Variants in FAM227B observed in about 807,000 individuals in gnomAD.
FAM227B encodes the protein family with sequence similarity 227 member B.
In FAM227B, 88 loss-of-function variants were observed where a neutral mutation model predicts 73.8. That is an observed-to-expected ratio of 1.19 (90% confidence interval 1.00 to 1.42). The LOEUF (loss-of-function observed/expected upper bound fraction) is 1.42. Among genes scored for constraint, FAM227B ranks in the 40% most tolerant of loss-of-function variants. FAM227B has a pLI of 0.00. For synonymous variants in FAM227B, 210 were observed against 190.5 expected (o/e 1.10, Z -0.84); for missense variants, 632 against 590.9 (o/e 1.07, Z -0.72).
intron 11 of FAM227B, among the ~76,000 whole-genome samples, chr15:49,372,564 T>C (rs11638606): frequency 0.17 from 25,301 of 152,164 alleles, 2,394 homozygotes; most frequent in Non-Finnish European, 0.21. Context: ...AGAGGAGACT[T>C]GGTGACCTTT....
intron 9 of FAM227B, among the ~76,000 whole-genome samples, chr15:49,545,679 G>C (rs1185585828): frequency 1.3e-5 from 2 of 152,144 alleles, no homozygotes; most frequent in East Asian, 3.9e-4. Flanking sequence ...CAGAGGTTTA[G>C]ATAGGTCATG....
At position 49,327,658 on chromosome 15, in the gene FAM227B, C is replaced by T. The variant is rs1043530556; in HGVS notation, c.*910G>A. 9.0e-6 allele frequency: 2 copies of T among 222,700 alleles called. No individual in the cohort carries two copies. The highest frequency in any genetic ancestry group is 1.1e-4 in the Admixed American group (2 of 18,196). The allele number at this position is 222,700 out of a possible 1,614,324, so 13.8% of individuals were successfully genotyped here. On this transcript the variant is annotated 3_prime_UTR_variant, in exon 16 of 16. Transcript: ENST00000299338. ...TGCTATACAACTCTTCAAGTGGCTA[C>T]TTTATGGAATCAATATTACAGTGGG...
intron 13 of FAM227B, among the ~76,000 whole-genome samples, chr15:49,346,051 ATT>A (rs35105464): frequency 1.4e-4 from 20 of 145,530 alleles, no homozygotes; most frequent in Non-Finnish European, 1.4e-4. Context: ...TGCTTTTGTT[ATT>A]TTTTTTTTTT....
intron 9 of FAM227B, among the ~76,000 whole-genome samples, chr15:49,543,509 T>C (rs1210386421): frequency 1.3e-5 from 2 of 152,202 alleles, no homozygotes; most frequent in Admixed American, 1.3e-4. Flanking sequence ...TTTAGTTTAA[T>C]TAAGTCCCAT....
chr15:49,404,028 T>C (rs2048351604), intron 11 of FAM227B, among the ~76,000 whole-genome samples: 1 of 152,200 alleles, frequency 6.6e-6, no homozygotes, highest in African/African-American at 2.4e-5. Context: ...CCAAAAGTTA[T>C]TTGGGAGCAG....
intron 5 of FAM227B, among the ~76,000 whole-genome samples, chr15:49,587,664 GGCAAA>G (rs979238296): frequency 1.5e-4 from 23 of 151,780 alleles, no homozygotes; most frequent in African/African-American, 5.6e-4. Flanking sequence ...TTTTAAAATT[GGCAAA>G]GTAAAGGTCA....
chr15:49,364,329 A>C (rs531406087), intron 13 of FAM227B, among the ~76,000 whole-genome samples: 2 of 152,014 alleles, frequency 1.3e-5, no homozygotes, highest in Non-Finnish European at 2.9e-5. Context: ...GTTTATTCCT[A>C]GTTCAATCTT....
At chr15:49,344,377 T>C (rs1402184065) in intron 13 of FAM227B, 1 of 152,236 alleles carries the variant, frequency 6.6e-6, no homozygotes, top group African/African-American at 2.4e-5. Context: ...ATAATAATTA[T>C]TTTAATGTTT....
chr15:49,523,761 T>C (rs766853660), intron 10 of FAM227B, among the ~76,000 whole-genome samples: 3 of 152,190 alleles, frequency 2.0e-5, no homozygotes, highest in South Asian at 4.1e-4. Context: ...AATAGTGATA[T>C]GGACAATGAA....
intron 11 of FAM227B, among the ~76,000 whole-genome samples, chr15:49,419,738 T>A (rs368965197): frequency 2.0e-5 from 3 of 152,252 alleles, no homozygotes; most frequent in African/African-American, 7.2e-5. Flanking sequence ...CAAACCTGTG[T>A]TTCACTGTGA....
chr15:49,525,855 C>T (rs11070702), intron 10 of FAM227B, among the ~76,000 whole-genome samples: 46,738 of 149,010 alleles, frequency 0.31, 7,925 homozygotes, highest in African/African-American at 0.42. Flanking sequence ...CAAGATTTAA[C>T]GATCTTAAAT....
At chr15:49,357,147 T>C (rs2043295256) in intron 13 of FAM227B, among the ~76,000 whole-genome samples, 1 of 149,264 alleles carries the variant, frequency 6.7e-6, no homozygotes, top group African/African-American at 2.5e-5. Flanking sequence ...GATCCAAAAT[T>C]GACACCCTAA....
chr15:49,604,659 C>T (rs892764378), intron 3 of FAM227B, among the ~76,000 whole-genome samples: 2 of 151,910 alleles, frequency 1.3e-5, no homozygotes, highest in Non-Finnish European at 2.9e-5. Context: ...TCTTTCTCTT[C>T]TCCTTCTGGA....
chr15:49,601,792 C>T (rs1354653386), intron 3 of FAM227B, among the ~76,000 whole-genome samples: 1 of 152,180 alleles, frequency 6.6e-6, no homozygotes, highest in Non-Finnish European at 1.5e-5. Flanking sequence ...CCACAATCCT[C>T]CCACTCCTTT....
intron 11 of FAM227B, among the ~76,000 whole-genome samples, chr15:49,399,815 A>C (rs1439845602): frequency 1.9e-5 from 2 of 103,632 alleles, no homozygotes; most frequent in Non-Finnish European, 4.5e-5. Flanking sequence ...CATGCTAAAA[A>C]CTCTCAATAA....
intron 12 of FAM227B, among the ~76,000 whole-genome samples, chr15:49,369,880 T>C (rs2045692704): frequency 6.6e-6 from 1 of 152,208 alleles, no homozygotes; most frequent in Non-Finnish European, 1.5e-5. Context: ...CCAGAAGAAA[T>C]ACTTATAAAT....
At chr15:49,585,210 T>C (rs1014398554) in intron 5 of FAM227B, among the ~76,000 whole-genome samples, 2 of 152,044 alleles carry the variant, frequency 1.3e-5, no homozygotes, top group African/African-American at 4.8e-5. Flanking sequence ...GGAGAGGATG[T>C]GGAGAAATAG....
intron 10 of FAM227B, among the ~76,000 whole-genome samples, chr15:49,522,938 C>T (rs962570571): frequency 6.6e-6 from 1 of 152,120 alleles, no homozygotes; most frequent in Non-Finnish European, 1.5e-5. Flanking sequence ...TTCAAGGACA[C>T]CTGGGAGATT....
Position 49,592,022 on chromosome 15 carries a change from A to C in FAM227B, c.106-2015T>G, listed in dbSNP as rs531145138. 2.0e-5 allele frequency among the ~76,000 whole-genome samples: 3 copies of C among 152,194 alleles called. No individual in the cohort carries two copies. In the East Asian group the frequency reaches 5.8e-4, roughly 29 times the overall value. Reference sequence around the variant, plus strand: ...TCATGGCATGGTTTTCTGCTCCATCAGGTCATTTAAGCCCTTCTCTCCACT... The same window carrying C: ...TCATGGCATGGTTTTCTGCTCCATCCGGTCATTTAAGCCCTTCTCTCCACT... On this transcript the variant is annotated intron_variant, in intron 3 of 15. Coordinates refer to ENST00000299338, the MANE Select transcript of FAM227B (RefSeq NM_152647.3).
Sources: allele counts gnomAD v4.1 joint callset (sites outside exome capture counted in the v4.1 genomes callset), GRCh38; gene constraint gnomAD v4.1.1; transcripts MANE v1.5; gene names NCBI Gene and HGNC (gene_info 2026-07-23, HGNC 2026-07-21).